The following RERE variants were observed in gnomAD, a reference collection of about 807,000 sequenced individuals.
RERE encodes arginine-glutamic acid dipeptide repeats protein.
Under a neutral mutation model 146.1 loss-of-function variants are expected in RERE, and 40 were observed. The observed-to-expected ratio is 0.27, with a 90% confidence interval of 0.21 to 0.36. The LOEUF (loss-of-function observed/expected upper bound fraction) is 0.36, where lower values mean the gene tolerates loss of function less well. RERE is among the 10% of genes least tolerant of loss of function. The pLI, the probability that RERE is intolerant of heterozygous loss-of-function variation, is 1.00. For synonymous variants in RERE, 1,003 were observed against 866.0 expected (o/e 1.16, Z -2.78); for missense variants, 1,933 against 2,138.7 (o/e 0.90, Z 1.90).
chr1:8,632,713 T>C (rs1037233959), intron 2 of RERE, among the ~76,000 whole-genome samples: 1 of 152,200 alleles, frequency 6.6e-6, no homozygotes, highest in African/African-American at 2.4e-5. Context: ...ACCAATTATT[T>C]TCCTGTACTT....
chr1:8,773,550 G>A (rs1040657522), intron 1 of RERE, among the ~76,000 whole-genome samples: 2 of 152,164 alleles, frequency 1.3e-5, no homozygotes, highest in African/African-American at 4.8e-5. Flanking sequence ...AATTAGCTGG[G>A]CACGGTAGCT....
At chr1:8,632,841 TA>T (rs1430034302) in intron 2 of RERE, among the ~76,000 whole-genome samples, 1 of 152,224 alleles carries the variant, frequency 6.6e-6, no homozygotes, top group Non-Finnish European at 1.5e-5. Context: ...AGGACTTAAA[TA>T]CAACCAAAAT....
At chr1:8,477,288 ACT>A (rs1216375623) in intron 10 of RERE, among the ~76,000 whole-genome samples, 1 of 152,176 alleles carries the variant, frequency 6.6e-6, no homozygotes, top group African/African-American at 2.4e-5. Context: ...TACTAAGAAG[ACT>A]CAGCTTGAGG....
intron 12 of RERE, among the ~76,000 whole-genome samples, chr1:8,401,287 T>C (rs74049630): frequency 0.025 from 3,841 of 151,618 alleles, 172 homozygotes; most frequent in African/African-American, 0.088. Context: ...CCACCTCACA[T>C]AATCTTTAAT....
At chr1:8,550,749 T>C (rs1031804888) in intron 6 of RERE, among the ~76,000 whole-genome samples, 7 of 152,214 alleles carry the variant, frequency 4.6e-5, no homozygotes, top group African/African-American at 9.7e-5. Flanking sequence ...GGTTTTGCCA[T>C]GTTGGCCAGG....
At chr1:8,582,526 C>T (rs950372425) in intron 4 of RERE, among the ~76,000 whole-genome samples, 1 of 151,874 alleles carries the variant, frequency 6.6e-6, no homozygotes, top group Admixed American at 6.6e-5. Context: ...TGCTCCACCA[C>T]ACTTGGCTAT....
At chr1:8,690,924 T>C (rs780662450) in intron 1 of RERE, among the ~76,000 whole-genome samples, 2 of 152,092 alleles carry the variant, frequency 1.3e-5, no homozygotes, top group Non-Finnish European at 2.9e-5. Flanking sequence ...TTTGAGACGG[T>C]GTCTCGCTCT....
At chr1:8,620,282 C>T (rs1646901680) in intron 3 of RERE, among the ~76,000 whole-genome samples, 1 of 152,132 alleles carries the variant, frequency 6.6e-6, no homozygotes. Flanking sequence ...GGAAGAACAT[C>T]AGTGCAGTGG....
chr1:8,591,702 C>CT (rs1646496106), intron 4 of RERE, among the ~76,000 whole-genome samples: 2 of 152,212 alleles, frequency 1.3e-5, no homozygotes, highest in Non-Finnish European at 1.5e-5. Context: ...TCAAACCTGT[C>CT]TAAGCCAACT....
In RERE at chr1:8,439,662, GC is replaced by G. The variant is rs1482372199; in HGVS notation, c.1204-16856del. On this transcript the variant is annotated intron_variant, in intron 11 of 22. Coordinates refer to ENST00000400908, the MANE Select transcript of RERE (RefSeq NM_001042681.2). ...TGACCCTTGGGAACCACACCCCCTGGCGGTTCCAGGTGGATTCCCTGATACT... is the reference window on the plus strand; with the variant it reads ...TGACCCTTGGGAACCACACCCCCTGGGGTTCCAGGTGGATTCCCTGATACT... 2.6e-5 allele frequency among the ~76,000 whole-genome samples: 4 copies of G among 152,234 alleles called. No homozygotes were observed. The South Asian group carries it at 8.3e-4, about 32-fold the overall frequency.
Position 8,364,973 on chromosome 1 carries a change from CG to C in RERE, c.1448-136del. 1.5e-6 allele frequency: 1 copy of C among 677,510 alleles called. No homozygotes were observed. The highest frequency in any genetic ancestry group is 2.6e-6 in the Non-Finnish European group (1 of 379,636). The allele number at this position is 677,510 out of a possible 1,614,324, so 42.0% of individuals were successfully genotyped here. A position where few individuals can be genotyped will look rare whatever the true frequency, so the allele number is the denominator to read the frequency against. On this transcript the variant is annotated intron_variant, in intron 13 of 22. Transcript: ENST00000400908. The surrounding 1 kb of genome is among the most constrained non-coding windows in gnomAD (Gnocchi z 5.1). ...TGCAGGTTCTGGCCACCAGTCAGAGCGGCTGGGTGCACAGGCTGAGGTAGGA... is the reference window on the plus strand; with the variant it reads ...TGCAGGTTCTGGCCACCAGTCAGAGCGCTGGGTGCACAGGCTGAGGTAGGA...
At chr1:8,619,788 C>T (rs367605843) in intron 3 of RERE, among the ~76,000 whole-genome samples, 1 of 152,258 alleles carries the variant, frequency 6.6e-6, no homozygotes, top group South Asian at 2.1e-4. Context: ...TATTGTTTTT[C>T]GTAAACAAAC....
chr1:8,772,512 C>G (rs912495679), intron 1 of RERE, among the ~76,000 whole-genome samples: 1 of 152,152 alleles, frequency 6.6e-6, no homozygotes, highest in African/African-American at 2.4e-5. Flanking sequence ...TGGTGGTTCA[C>G]ACCTGTAATC....
intron 4 of RERE, among the ~76,000 whole-genome samples, chr1:8,608,138 C>T (rs1646744825): frequency 6.6e-6 from 1 of 152,064 alleles, no homozygotes; most frequent in Non-Finnish European, 1.5e-5. Flanking sequence ...CTCCTCTCTC[C>T]TCAGCCTCCC....
chr1:8,633,478 A>AC (rs1557446646), intron 2 of RERE, among the ~76,000 whole-genome samples: 4,443 of 149,308 alleles, frequency 0.03, 76 homozygotes, highest in Non-Finnish European at 0.041. Flanking sequence ...CACACACACA[A>AC]AAATGTACTT....
intron 12 of RERE, among the ~76,000 whole-genome samples, chr1:8,400,434 T>C (rs1643210632): frequency 6.6e-6 from 1 of 152,088 alleles, no homozygotes; most frequent in African/African-American, 2.4e-5. Context: ...TTATTTTTTG[T>C]AGAAATGAGG....
chr1:8,708,889 C>T (rs1470176434), intron 1 of RERE, among the ~76,000 whole-genome samples: 1 of 137,304 alleles, frequency 7.3e-6, no homozygotes, highest in African/African-American at 2.7e-5. Context: ...TGTCACTAGA[C>T]AACAAAAACT....
rs373355546 is a variant in RERE, at chr1:8,506,929, T to C, written c.879+1698A>G. ...TAGGAGCAAATGTGAAGGAAAAAAG[T>C]GTATCTTAGAATTAGTCAAACTGAG... On this transcript the variant is annotated intron_variant, in intron 8 of 22. Transcript: ENST00000400908. 1.4e-4 allele frequency among the ~76,000 whole-genome samples: 22 copies of C among 152,096 alleles called. No homozygotes were observed. In the South Asian group the frequency reaches 2.1e-3, roughly 14 times the overall value.
intron 6 of RERE, among the ~76,000 whole-genome samples, chr1:8,544,275 A>G (rs1414551137): frequency 6.6e-6 from 1 of 152,246 alleles, no homozygotes; most frequent in Non-Finnish European, 1.5e-5. Context: ...TTGGTTAACT[A>G]CATCTAAGTT....
Sources: gnomAD v4.1 joint callset for allele counts (sites outside exome capture counted in the v4.1 genomes callset) on GRCh38, gnomAD v4.1.1 for gene constraint, Gnocchi (gnomAD v3.1) non-coding constraint, MANE v1.5 for transcripts, NCBI Gene and HGNC (gene_info 2026-07-23, HGNC 2026-07-21) for gene names.